The following ZPBP variants were observed in gnomAD, a reference collection of about 807,000 sequenced individuals.
The protein encoded by ZPBP is zona pellucida binding protein, also known as zona pellucida-binding protein 1.
ZPBP carries 26 observed loss-of-function variants against 44.8 expected under a neutral mutation model. The observed-to-expected ratio is 0.58, with a 90% CI of 0.43 to 0.81. The LOEUF (loss-of-function observed/expected upper bound fraction) is 0.81. Among genes scored for constraint, ZPBP ranks in the 30% least tolerant of loss-of-function variants. ZPBP has a pLI of 0.00. For synonymous variants in ZPBP, 174 were observed against 153.2 expected (o/e 1.14, Z -1.00); for missense variants, 409 against 434.0 (o/e 0.94, Z 0.51).
intron 3 of ZPBP, among the ~76,000 whole-genome samples, chr7:50,080,395 A>T (rs1802298940): frequency 6.6e-6 from 1 of 151,782 alleles, no homozygotes; most frequent in Non-Finnish European, 1.5e-5. Flanking sequence ...AACTACATTT[A>T]TCAATACCTA....
chr7:49,903,690 G>A (rs944310046), intron 1 of ZPBP, among the ~76,000 whole-genome samples: 3 of 152,168 alleles, frequency 2.0e-5, no homozygotes, highest in African/African-American at 4.8e-5. Context: ...TAACATAGAC[G>A]TATATGCACA....
chr7:50,033,426 G>C (rs1364363038), intron 4 of ZPBP, among the ~76,000 whole-genome samples: 1 of 151,994 alleles, frequency 6.6e-6, no homozygotes, highest in Non-Finnish European at 1.5e-5. Flanking sequence ...CTGTCTACAT[G>C]GTTCTTTACA....
chr7:49,961,953 CATA>C (rs960722127), intron 7 of ZPBP, among the ~76,000 whole-genome samples: 2 of 151,950 alleles, frequency 1.3e-5, no homozygotes, highest in African/African-American at 4.8e-5. Flanking sequence ...GTGTTTGAAA[CATA>C]ATATTTATAA....
At chr7:50,074,136 G>A (rs1035429359) in intron 3 of ZPBP, among the ~76,000 whole-genome samples, 5 of 151,886 alleles carry the variant, frequency 3.3e-5, no homozygotes, top group Non-Finnish European at 5.9e-5. Context: ...AAAAAGCAGG[G>A]GGATTAAATT....
intron 2 of ZPBP, among the ~76,000 whole-genome samples, chr7:49,856,419 C>T (rs541297325): frequency 6.6e-6 from 1 of 152,310 alleles, no homozygotes; most frequent in South Asian, 2.1e-4. Flanking sequence ...TCCTGAGGTT[C>T]ACCAGAAAAA....
At chr7:50,085,049 T>C (rs140534075) in intron 2 of ZPBP, among the ~76,000 whole-genome samples, 1 of 152,210 alleles carries the variant, frequency 6.6e-6, no homozygotes, top group East Asian at 1.9e-4. Context: ...GGATATAAAC[T>C]TATTTAGAAA....
At chr7:49,863,870 T>C (rs769267586) in intron 2 of ZPBP, among the ~76,000 whole-genome samples, 23 of 152,384 alleles carry the variant, frequency 1.5e-4, no homozygotes, top group Middle Eastern at 3.4e-3. Context: ...GATCCTTTTC[T>C]GTTTTATAAT....
At chr7:49,847,865 C>A (rs943477583), downstream of ZPBP, among the ~76,000 whole-genome samples, 1 of 152,124 alleles carries the variant, frequency 6.6e-6, no homozygotes, top group Non-Finnish European at 1.5e-5. Flanking sequence ...GGGATGTGAG[C>A]TCTGATTGGG....
intron 2 of ZPBP, among the ~76,000 whole-genome samples, chr7:49,872,682 G>T (rs1033647148): frequency 2.7e-5 from 4 of 149,010 alleles, no homozygotes; most frequent in African/African-American, 9.9e-5. Flanking sequence ...AAGGTGGGCG[G>T]ATCACCTGAG....
At chr7:49,937,716 G>T in intron 7 of ZPBP, 94 bp from the exon 8 acceptor site, 1 of 1,008,600 alleles carries the variant, frequency 9.9e-7, no homozygotes, top group Non-Finnish European at 1.5e-6. Context: ...TAGTTCAGTA[G>T]TATTAAGCAT....
chr7:49,904,736 ATT>A (rs5884134), intron 1 of ZPBP, among the ~76,000 whole-genome samples: 10 of 138,982 alleles, frequency 7.2e-5, no homozygotes, highest in African/African-American at 2.4e-4. Context: ...GCATATATTA[ATT>A]TTTTTTTTTT....
intron 5 of ZPBP, among the ~76,000 whole-genome samples, chr7:50,020,029 C>G (rs546211837): frequency 7.2e-4 from 106 of 147,730 alleles, no homozygotes; most frequent in Non-Finnish European, 9.7e-4. Flanking sequence ...GCCTCGGCAA[C>G]AGAGTGAGAC....
intron 2 of ZPBP, among the ~76,000 whole-genome samples, chr7:49,852,134 C>T (rs980128579): frequency 1.4e-4 from 21 of 152,214 alleles, no homozygotes; most frequent in African/African-American, 4.3e-4. Context: ...TCTGGAGAGT[C>T]GGTCATCAGG....
chr7:49,858,287 A>C (rs1583692279), intron 2 of ZPBP, among the ~76,000 whole-genome samples: 1 of 152,260 alleles, frequency 6.6e-6, no homozygotes, highest in Middle Eastern at 3.4e-3. Context: ...TCACAATAGC[A>C]AAGACTTGGA....
chr7:49,888,328 T>TA (rs1417372543), intron 2 of ZPBP, among the ~76,000 whole-genome samples: 2 of 152,232 alleles, frequency 1.3e-5, no homozygotes, highest in African/African-American at 4.8e-5. Flanking sequence ...GTTAACTCTG[T>TA]AGCTATTATT....
intron 1 of ZPBP, among the ~76,000 whole-genome samples, chr7:49,931,988 T>C (rs1339858737): frequency 6.6e-6 from 1 of 152,152 alleles, no homozygotes; most frequent in Non-Finnish European, 1.5e-5. Flanking sequence ...AATTTACATG[T>C]GGTATTGGGC....
chr7:49,875,397 A>AAAAAAAAAAAAC (rs1791371337), intron 2 of ZPBP, among the ~76,000 whole-genome samples: 1 of 140,714 alleles, frequency 7.1e-6, no homozygotes, highest in Non-Finnish European at 1.6e-5. Context: ...AAAAAAAAAA[A>AAAAAAAAAAAAC]CAGGAATAAA....
At chr7:50,034,765 T>C (rs1395232521) in intron 4 of ZPBP, among the ~76,000 whole-genome samples, 1 of 152,216 alleles carries the variant, frequency 6.6e-6, no homozygotes, top group Non-Finnish European at 1.5e-5. Context: ...CCAAATTTGT[T>C]CCTTTCTACT....
At chr7:49,946,301 T>A (rs1795101892) in intron 7 of ZPBP, among the ~76,000 whole-genome samples, 1 of 152,146 alleles carries the variant, frequency 6.6e-6, no homozygotes, top group African/African-American at 2.4e-5. Flanking sequence ...TTACTTCAGA[T>A]GATTTCTTAT....
Sources: gnomAD v4.1 joint callset for allele counts (sites outside exome capture counted in the v4.1 genomes callset) on GRCh38, gnomAD v4.1.1 for gene constraint, MANE v1.5 for transcripts, NCBI Gene and HGNC (gene_info 2026-07-23, HGNC 2026-07-21) for gene names.